Variants in FCRLA observed in about 807,000 individuals in gnomAD.
The protein encoded by FCRLA is Fc receptor like A.
In FCRLA, 26 loss-of-function variants were observed where a neutral mutation model predicts 28.4. The observed-to-expected ratio is 0.91, with a 90% CI of 0.67 to 1.27. FCRLA has a LOEUF of 1.27. Ranked by LOEUF, FCRLA falls within the 50% of genes most tolerant of loss-of-function variation. FCRLA has a pLI of 0.00. For synonymous variants in FCRLA, 174 were observed against 168.5 expected (o/e 1.03, Z -0.25); for missense variants, 422 against 433.1 (o/e 0.97, Z 0.23).
intron 4 of FCRLA, 62 bp from the exon 5 acceptor site, chr1:161,713,023 A>G: frequency 2.6e-6 from 4 of 1,534,872 alleles, no homozygotes; most frequent in Non-Finnish European, 3.5e-6. Flanking sequence ...TTGGCCAGGG[A>G]TGGGAGGGAA....
chr1:161,713,905 AC>A lies in FCRLA; in HGVS notation c.*529del, dbSNP rs1299916334. 1.3e-5 allele frequency: 2 copies of A among 152,382 alleles called. No individual in the cohort carries two copies. The highest frequency in any genetic ancestry group is 2.9e-5 in the Non-Finnish European group (2 of 68,230). 9.4% of individuals were successfully genotyped at this position (152,382 alleles called of 1,614,324 possible). The stretch of plus-strand genomic sequence containing the variant: ...ATGTCAGTTGTACTGAGTTTGAGAA[AC>A]CCCAGCCTAATGAAACCCTAGGTGT... On this transcript the variant is annotated 3_prime_UTR_variant, in exon 5 of 5. Coordinates refer to ENST00000236938, the MANE Select transcript of FCRLA (RefSeq NM_032738.4).
At position 161,714,322 on chromosome 1, in the gene FCRLA, T is replaced by C. The variant is rs1331703411; in HGVS notation, c.*942T>C. The C allele has an allele frequency of 1.3e-5, 2 of 152,356 alleles. No individual in the cohort carries two copies. Among genetic ancestry groups the C allele is most frequent in the Non-Finnish European group, 2.9e-5 (2 of 68,034 alleles). 9.4% of individuals were successfully genotyped at this position (152,356 alleles called of 1,614,324 possible). A position where few individuals can be genotyped will look rare whatever the true frequency, so the allele number is the denominator to read the frequency against. On this transcript the variant is annotated 3_prime_UTR_variant, in exon 5 of 5. Transcript: ENST00000236938. ...CTTGAACTTCCAGCCTCCAGAACTA[T>C]GAGAAATAAAATTCTGTTGTTTGTA...
intron 1 of FCRLA, chr1:161,710,273 A>G: frequency 1.7e-6 from 1 of 598,244 alleles, no homozygotes; most frequent in Non-Finnish European, 3.0e-6. Context: ...TTGGTTTTCT[A>G]AGTGTGTTTC....
chr1:161,712,226 C>T lies in FCRLA; in HGVS notation c.784+8C>T, dbSNP rs1370772553. The stretch of plus-strand genomic sequence containing the variant: ...TAGAGATCAGAGTGCAGGGTGAGTT[C>T]GCATCAGAGTGCAGGTTGTCTGTTT... On this transcript the variant is annotated splice_region_variant and intron_variant, in intron 4 of 4. Transcript: ENST00000236938. The T allele has an allele frequency of 3.1e-6, 5 of 1,606,416 alleles. No homozygotes were observed. The highest frequency in any genetic ancestry group is 1.7e-5 in the Admixed American group (1 of 59,586).
intron 1 of FCRLA, chr1:161,710,386 CA>C: frequency 8.0e-7 from 1 of 1,251,224 alleles, no homozygotes; most frequent in Non-Finnish European, 1.1e-6. Context: ...ACCCAGTGAA[CA>C]TTAGAATCTG....
intron 4 of FCRLA, among the ~76,000 whole-genome samples, chr1:161,712,740 C>T (rs1683167590): frequency 6.6e-6 from 1 of 152,170 alleles, no homozygotes; most frequent in Non-Finnish European, 1.5e-5. Context: ...TGAAGGCTGG[C>T]ATTAGCACAA....
In FCRLA at chr1:161,713,105, C is replaced by A. The variant is rs1350999221; in HGVS notation, c.805C>A (p.Pro269Thr). ...RVQGASSSAA[P>T]PTLNPAPQKS... The stretch of plus-strand genomic sequence containing the variant: ...TTCAGGTGCTTCCAGCTCTGCTGCA[C>A]CTCCCACATTGAATCCAGCTCCTCA... The change falls in exon 5 of 5, where the codon CCT (proline) becomes ACT (threonine). Residue 269 changes from proline to threonine, a missense_variant. By Grantham distance (38) the Pro-to-Thr change is conservative. This residue lies in a region of FCRLA where 185 missense variants were observed against 198.1 expected (regional missense o/e 0.93). Coordinates refer to ENST00000236938, the MANE Select transcript of FCRLA (RefSeq NM_032738.4). 3 of 1,613,610 alleles carry A rather than the reference C, an allele frequency of 1.9e-6. No individual in the cohort carries two copies. The highest frequency in any genetic ancestry group is 1.7e-5 in the Admixed American group (1 of 59,888).
rs576248803 is a variant in FCRLA at position 161,714,277 on chromosome 1, G to A, written c.*897G>A. The A allele has an allele frequency of 1.2e-4, 18 of 152,340 alleles. No individual in the cohort carries two copies. The highest frequency in any genetic ancestry group is 3.4e-4 in the African/African-American group (14 of 41,562). 9.4% of individuals were successfully genotyped at this position (152,340 alleles called of 1,614,324 possible). On this transcript the variant is annotated 3_prime_UTR_variant, in exon 5 of 5. Transcript: ENST00000236938. ...CAAAAAACAGCTGTCGCCAAACACCGACTCTGTCGTTGCCTTGATCTTGAA... is the reference window on the plus strand; with the variant it reads ...CAAAAAACAGCTGTCGCCAAACACCAACTCTGTCGTTGCCTTGATCTTGAA...
intron 1 of FCRLA, chr1:161,710,445 A>G (rs971019520): frequency 2.6e-6 from 4 of 1,549,084 alleles, no homozygotes; most frequent in Middle Eastern, 1.7e-4. Context: ...TCGAGTTACC[A>G]TTGTCTTTGC....
intron 1 of FCRLA, among the ~76,000 whole-genome samples, chr1:161,707,841 T>C (rs997043218): frequency 2.6e-5 from 4 of 152,210 alleles, no homozygotes; most frequent in Non-Finnish European, 4.4e-5. Flanking sequence ...CTGGCTTCCA[T>C]GGCACCATTT....
chr1:161,709,864 C>A (rs1683011577), intron 1 of FCRLA, among the ~76,000 whole-genome samples: 1 of 152,130 alleles, frequency 6.6e-6, no homozygotes, highest in South Asian at 2.1e-4. Flanking sequence ...TTCTAAATTT[C>A]AATCTGGAGC....
chr1:161,709,118 G>GATTTTATTTT lies in FCRLA; in HGVS notation c.80-1629_80-1620dup, dbSNP rs59658519. ...GAGTGAGTTCCCAGTAACCCAACAA[G>GATTTTATTTT]ATTTTATTTTATTTTATTTTATGTT... On this transcript the variant is annotated intron_variant, in intron 1 of 4. Coordinates refer to ENST00000236938, the MANE Select transcript of FCRLA (RefSeq NM_032738.4). 3.2e-3 allele frequency among the ~76,000 whole-genome samples: 487 copies of GATTTTATTTT among 152,124 alleles called. 7 individuals are homozygous for GATTTTATTTT. The highest frequency in any genetic ancestry group is 0.011 in the African/African-American group (462 of 41,454).
rs537256508 is a variant in FCRLA, at chr1:161,710,382, T to A, written c.80-378T>A. The A allele has an allele frequency of 1.9e-5, 23 of 1,213,140 alleles. No homozygotes were observed. The African/African-American group carries it at 2.7e-4, about 14-fold the overall frequency. The allele number at this position is 1,213,140 out of a possible 1,614,324, so 75.1% of individuals were successfully genotyped here. A position where few individuals can be genotyped will look rare whatever the true frequency, so the allele number is the denominator to read the frequency against. ...AGTGCTAGCAGGGTCTGGCACCCAG[T>A]GAACATTAGAATCTGATGTCTCCCT... On this transcript the variant is annotated intron_variant, in intron 1 of 4. Transcript: ENST00000236938.
At chr1:161,711,817 C>CT in intron 3 of FCRLA, 117 bp from the exon 4 acceptor site, 1 of 1,222,552 alleles carries the variant, frequency 8.2e-7, no homozygotes, top group Non-Finnish European at 1.1e-6. Flanking sequence ...TCTAAGAGAG[C>CT]CCATTCCTGC....
In FCRLA at chr1:161,710,617, C is replaced by T. The variant is rs553127988; in HGVS notation, c.80-143C>T. Reference sequence around the variant, plus strand: ...ATCCCCCTGAGACACTCTCAGGGGTCTTTCCGAAAAAAAAAAAGGTTTTGA... The same window carrying T: ...ATCCCCCTGAGACACTCTCAGGGGTTTTTCCGAAAAAAAAAAAGGTTTTGA... On this transcript the variant is annotated intron_variant, in intron 1 of 4. Transcript: ENST00000236938. 3 of 1,392,750 alleles carry T rather than the reference C, an allele frequency of 2.2e-6. No individual in the cohort carries two copies. The Admixed American group carries it at 6.0e-5, about 28-fold the overall frequency. 86.3% of individuals were successfully genotyped at this position (1,392,750 alleles called of 1,614,324 possible).
intron 1 of FCRLA, 130 bp downstream of exon 1, chr1:161,707,473 G>T: frequency 1.1e-5 from 11 of 1,021,076 alleles, no homozygotes; most frequent in Non-Finnish European, 1.5e-5. Context: ...AATAAGAAGG[G>T]TAGGTATAAG....
chr1:161,713,093 A>C lies in FCRLA; in HGVS notation c.793A>C (p.Ser265Arg), dbSNP rs917659602. ...CCTGCCCCATAATTCAGGTGCTTCC[A>C]GCTCTGCTGCACCTCCCACATTGAA... The part of the protein sequence containing the change: ...QLEIRVQGAS[S>R]SAAPPTLNPA... The change falls in exon 5 of 5, where the codon AGC becomes CGC. Residue 265 changes from serine to arginine, a missense_variant. Physicochemically the swap from Ser to Arg is moderately radical, Grantham distance 110 (BLOSUM62 -1). This residue lies in a region of FCRLA where 185 missense variants were observed against 198.1 expected (regional missense o/e 0.93). Transcript: ENST00000236938. 4 of 1,611,966 alleles carry C rather than the reference A, an allele frequency of 2.5e-6. No individual in the cohort carries two copies. The highest frequency in any genetic ancestry group is 1.3e-5 in the African/African-American group (1 of 74,694).
At position 161,707,311 on chromosome 1, in the gene FCRLA, T is replaced by C. The variant is rs1682865660; in HGVS notation, c.47T>C (p.Leu16Pro). Reference sequence around the variant, plus strand: ...ATGGCCTGGGCCCTCTACCTTTCCCTTGGTGTGCTCTGGGTGGCCCAGATG... The same window carrying C: ...ATGGCCTGGGCCCTCTACCTTTCCCCTGGTGTGCTCTGGGTGGCCCAGATG... ...VLMAWALYLS[L>P]GVLWVAQMLL... The change falls in exon 1 of 5, where the codon CTT becomes CCT. Residue 16 changes from leucine to proline, a missense_variant. Around this residue, in one of 3 missense-constraint regions of FCRLA, gnomAD observed 231 missense variants for 214.6 expected, o/e 1.08. Transcript: ENST00000236938. The C allele has an allele frequency of 6.2e-7, 1 of 1,612,968 alleles. No individual in the cohort carries two copies. The highest frequency in any genetic ancestry group is 1.1e-5 in the South Asian group (1 of 90,950).
At position 161,707,541 on chromosome 1, in the gene FCRLA, A is replaced by G. The variant is rs149287873; in HGVS notation, c.79+198A>G. ...GAATATAAAAATCTTCCATCCTGAA[A>G]GTCCCCTCTGATCATGATATCCTCT... On this transcript the variant is annotated intron_variant, in intron 1 of 4. Transcript: ENST00000236938. 8.1e-3 allele frequency among the ~76,000 whole-genome samples: 1,238 copies of G among 152,320 alleles called. 19 individuals carry two copies. The highest frequency in any genetic ancestry group is 0.028 in the African/African-American group (1,162 of 41,572).
Sources: gnomAD v4.1 joint callset for allele counts (sites outside exome capture counted in the v4.1 genomes callset) on GRCh38, gnomAD v4.1.1 for gene constraint, gnomAD v4.1.1 regional missense constraint, MANE v1.5 for transcripts, NCBI Gene and HGNC (gene_info 2026-07-23, HGNC 2026-07-21) for gene names.